The following CORIN variants were observed in gnomAD, a reference collection of about 807,000 sequenced individuals.
CORIN encodes atrial natriuretic peptide-converting enzyme.
A neutral mutation model predicts 125.3 loss-of-function variants in CORIN; 117 were observed. That is an observed-to-expected ratio of 0.93 (90% CI 0.80 to 1.09). The LOEUF is 1.09. CORIN is among the 50% of genes least tolerant of loss of function. CORIN has a pLI of 0.00. For synonymous variants in CORIN, 450 were observed against 466.4 expected (o/e 0.96, Z 0.45); for missense variants, 1,253 against 1,306.7 (o/e 0.96, Z 0.63).
chr4:47,620,326 TG>T (rs1335494390), intron 19 of CORIN, among the ~76,000 whole-genome samples: 2 of 152,124 alleles, frequency 1.3e-5, no homozygotes, highest in Non-Finnish European at 2.9e-5. Flanking sequence ...GTCCATCAAG[TG>T]GGGAATAATT....
At chr4:47,614,280 C>G (rs1022474789) in intron 19 of CORIN, among the ~76,000 whole-genome samples, 1 of 152,162 alleles carries the variant, frequency 6.6e-6, no homozygotes, top group Non-Finnish European at 1.5e-5. Context: ...GCAACCACCT[C>G]CACAACCTGG....
chr4:47,766,366 C>G (rs1374103936), intron 3 of CORIN, among the ~76,000 whole-genome samples: 4 of 152,108 alleles, frequency 2.6e-5, no homozygotes, highest in Non-Finnish European at 2.9e-5. Flanking sequence ...ACAGTCCAGA[C>G]AGAAGGGTGG....
At chr4:47,616,607 TG>T (rs1193637608) in intron 19 of CORIN, among the ~76,000 whole-genome samples, 1 of 152,174 alleles carries the variant, frequency 6.6e-6, no homozygotes, top group Admixed American at 6.5e-5. Context: ...AATACATCAT[TG>T]GACTGCAAGA....
chr4:47,829,694 G>A (rs951363966), intron 1 of CORIN, among the ~76,000 whole-genome samples: 4 of 152,184 alleles, frequency 2.6e-5, no homozygotes, highest in Non-Finnish European at 5.9e-5. Flanking sequence ...TCAGAGAGTT[G>A]CAGCAGTGGT....
At chr4:47,754,551 T>G (rs998510388) in intron 4 of CORIN, among the ~76,000 whole-genome samples, 1 of 152,116 alleles carries the variant, frequency 6.6e-6, no homozygotes, top group African/African-American at 2.4e-5. Flanking sequence ...GAGATACAAT[T>G]TGGGACATAT....
At chr4:47,666,238 T>C (rs1724472511) in intron 10 of CORIN, among the ~76,000 whole-genome samples, 1 of 152,226 alleles carries the variant, frequency 6.6e-6, no homozygotes, top group African/African-American at 2.4e-5. Flanking sequence ...ATACCCACCA[T>C]ATGTTCATTG....
At chr4:47,657,535 CAAAAAAA>C (rs35311151) in intron 12 of CORIN, among the ~76,000 whole-genome samples, 5 of 82,180 alleles carry the variant, frequency 6.1e-5, no homozygotes, top group African/African-American at 2.0e-4. Flanking sequence ...ACTCCGTCTC[CAAAAAAA>C]AAAAAAAAAA....
intron 5 of CORIN, among the ~76,000 whole-genome samples, chr4:47,697,869 ATTT>A (rs545837516): frequency 9.2e-5 from 14 of 152,022 alleles, no homozygotes; most frequent in Non-Finnish European, 1.5e-4. Flanking sequence ...CAGTATTTCC[ATTT>A]TTTGGAAAAT....
chr4:47,677,903 T>C, intron 9 of CORIN, 35 bp downstream of exon 9: 1 of 1,414,062 alleles, frequency 7.1e-7, no homozygotes, highest in Non-Finnish European at 1.0e-6. Flanking sequence ...GGACCACCAG[T>C]AAAGGAATGT....
Position 47,623,604 on chromosome 4 carries a change from T to C in CORIN, c.2507A>G (p.Lys836Arg). The C allele has an allele frequency of 1.9e-6, 3 of 1,614,180 alleles. No homozygotes were observed. Among genetic ancestry groups the C allele is most frequent in the Non-Finnish European group, 2.5e-6 (3 of 1,180,022 alleles). ...HICGCVLIAK[K>R]WVLTVAHCFE... ...GCAGTGGGCAACTGTCAGAACCCAC[T>C]TCTTGGCAATGAGGACACAGCCACA... The change falls in exon 19 of 22, where the codon AAG becomes AGG. Residue 836 changes from lysine to arginine, a missense_variant. Physicochemically the swap from Lys to Arg is conservative, Grantham distance 26. Transcript: ENST00000273857.
chr4:47,829,152 C>T (rs1732865494), intron 1 of CORIN, among the ~76,000 whole-genome samples: 1 of 103,074 alleles, frequency 9.7e-6, no homozygotes, highest in Admixed American at 1.1e-4. Context: ...GGCGAGACTC[C>T]GTCTCAAAAA....
intron 1 of CORIN, among the ~76,000 whole-genome samples, chr4:47,814,518 A>C (rs1166338014): frequency 1.3e-5 from 2 of 152,186 alleles, no homozygotes; most frequent in African/African-American, 4.8e-5. Context: ...AAATTATGAA[A>C]GTGACCTTCA....
chr4:47,652,980 C>A (rs980022712), intron 13 of CORIN, among the ~76,000 whole-genome samples: 2 of 152,100 alleles, frequency 1.3e-5, no homozygotes, highest in African/African-American at 4.8e-5. Flanking sequence ...TAAGTGTTTG[C>A]AAATATAGTA....
At chr4:47,718,775 G>T (rs1166415408) in intron 5 of CORIN, among the ~76,000 whole-genome samples, 1 of 152,162 alleles carries the variant, frequency 6.6e-6, no homozygotes, top group Non-Finnish European at 1.5e-5. Context: ...GGAAAAACAT[G>T]AGCGAGGAAG....
chr4:47,642,949 T>C lies in CORIN; in HGVS notation c.2068+197A>G. 3.3e-6 allele frequency: 5 copies of C among 1,534,732 alleles called. No homozygotes were observed. In the Middle Eastern group the frequency reaches 5.0e-4, roughly 154 times the overall value. ...TTCCATACAATATAGATATTTCAAA[T>C]AGAGAAGTAGCTTCGTGGGGAAATT... is the stretch of plus-strand genomic sequence containing the variant. On this transcript the variant is annotated intron_variant, in intron 15 of 21. Coordinates refer to ENST00000273857, the MANE Select transcript of CORIN (RefSeq NM_006587.4).
At chr4:47,640,230 A>G (rs1352618094) in intron 16 of CORIN, among the ~76,000 whole-genome samples, 3 of 152,224 alleles carry the variant, frequency 2.0e-5, no homozygotes, top group African/African-American at 7.2e-5. Flanking sequence ...TGTGCACACA[A>G]TAGCCAAAGG....
chr4:47,713,396 A>G (rs1224768989), intron 5 of CORIN, among the ~76,000 whole-genome samples: 1 of 152,228 alleles, frequency 6.6e-6, no homozygotes, highest in East Asian at 1.9e-4. Context: ...CATGCAGGGA[A>G]ACATTCAAAC....
At chr4:47,717,878 T>C (rs772793303) in intron 5 of CORIN, among the ~76,000 whole-genome samples, 21 of 151,994 alleles carry the variant, frequency 1.4e-4, no homozygotes, top group Non-Finnish European at 1.9e-4. Flanking sequence ...CAGAAGATAG[T>C]GGGAATGTTA....
chr4:47,824,826 G>A (rs149827240), intron 1 of CORIN, among the ~76,000 whole-genome samples: 2 of 152,312 alleles, frequency 1.3e-5, no homozygotes, highest in East Asian at 3.9e-4. Context: ...AACCTCTTTA[G>A]GGAATGAAAC....
Sources: allele counts gnomAD v4.1 joint callset (sites outside exome capture counted in the v4.1 genomes callset), GRCh38; gene constraint gnomAD v4.1.1; transcripts MANE v1.5; gene names NCBI Gene and HGNC (gene_info 2026-07-23, HGNC 2026-07-21).